The following SLC9A7 variants were observed in gnomAD, a reference collection of about 807,000 sequenced individuals.
The protein encoded by SLC9A7 is sodium/hydrogen exchanger 7.
Under a neutral mutation model 52.6 loss-of-function variants are expected in SLC9A7, and 19 were observed. The ratio of observed to expected loss-of-function variants is 0.36; its 90% CI spans 0.25 to 0.53. The LOEUF is 0.53. Ranked by LOEUF, SLC9A7 falls within the 20% of genes least tolerant of loss-of-function variation. SLC9A7 has a pLI of 0.91. For synonymous variants in SLC9A7, 226 were observed against 252.1 expected, an observed-to-expected ratio of 0.90 and a Z score of 0.98; for missense variants, 455 against 597.9, an observed-to-expected ratio of 0.76 and a Z score of 2.49.
chrX:46,645,115 G>A (rs1203477900), intron 11 of SLC9A7, among the ~76,000 whole-genome samples: 1 of 112,261 alleles, frequency 8.9e-6, no homozygotes, highest in Non-Finnish European at 1.9e-5. Flanking sequence ...CCTTTTGATA[G>A]GCAGATTTCT....
chrX:46,630,641 A>T (rs1375501912), intron 14 of SLC9A7, among the ~76,000 whole-genome samples: 1 of 112,087 alleles, frequency 8.9e-6, no homozygotes, highest in African/African-American at 3.2e-5. Flanking sequence ...AGACCTAGAG[A>T]CAAAATCATC....
At chrX:46,650,994 G>A (rs1308159456) in intron 10 of SLC9A7, 116 bp downstream of exon 10, 2 of 240,531 alleles carry the variant, frequency 8.3e-6, no homozygotes, top group Non-Finnish European at 7.1e-6. Context: ...ATTTTATGAT[G>A]GTTTATATTA....
intron 1 of SLC9A7, among the ~76,000 whole-genome samples, chrX:46,694,460 T>C: frequency 9.0e-6 from 1 of 111,675 alleles, no homozygotes; most frequent in East Asian, 2.8e-4. Context: ...CAAAAGAAAT[T>C]ATGAATGACT....
At chrX:46,688,112 T>C (rs903771250) in intron 1 of SLC9A7, among the ~76,000 whole-genome samples, 3 of 112,468 alleles carry the variant, frequency 2.7e-5, no homozygotes, top group Non-Finnish European at 5.6e-5. Context: ...TTTCCCTTTT[T>C]TGTTAATGTG....
chrX:46,607,946 T>C (rs1389378598), intron 16 of SLC9A7, among the ~76,000 whole-genome samples: 1 of 112,497 alleles, frequency 8.9e-6, no homozygotes, highest in Non-Finnish European at 1.9e-5. Context: ...TTGAGTACTG[T>C]GCACTGCCTT....
Position 46,643,349 on chromosome X carries a change from G to A in SLC9A7, c.1503C>T (p.Asp501=), listed in dbSNP as rs1443612861. ...GAMAFALAIR[D]TASYARQMMF... ...TCATCTGGCGAGCATAGGATGCCGT[G>A]TCACGGATGGCCAACGCAAATGCCA... is the stretch of plus-strand genomic sequence containing the variant. Residue 501 remains aspartate, a synonymous_variant, in exon 12 of 17, where the codon GAC becomes GAT. Transcript: ENST00000616978. 1.7e-6 allele frequency: 2 copies of A among 1,211,130 alleles called. No homozygotes were observed. The highest frequency in any genetic ancestry group is 3.5e-5 in the South Asian group (2 of 56,900).
At chrX:46,629,336 G>A (rs963449440) in intron 14 of SLC9A7, among the ~76,000 whole-genome samples, 1 of 112,098 alleles carries the variant, frequency 8.9e-6, no homozygotes, top group East Asian at 2.8e-4. Context: ...CTCCACCTGG[G>A]GGTGGGGGCT....
chrX:46,707,158 G>A (rs1944616728), intron 1 of SLC9A7, among the ~76,000 whole-genome samples: 1 of 112,080 alleles, frequency 8.9e-6, no homozygotes, highest in Admixed American at 9.5e-5. Flanking sequence ...ACCTCTGCTG[G>A]CTTAAAGGCT....
intron 12 of SLC9A7, among the ~76,000 whole-genome samples, chrX:46,637,990 C>A (rs1312693003): frequency 4.5e-5 from 5 of 111,901 alleles, no homozygotes; most frequent in African/African-American, 1.6e-4. Context: ...ACTCCAAGAA[C>A]CACCCTGGGC....
intron 14 of SLC9A7, among the ~76,000 whole-genome samples, chrX:46,623,035 G>A (rs1350856869): frequency 8.9e-6 from 1 of 112,694 alleles, no homozygotes; most frequent in African/African-American, 3.2e-5. Flanking sequence ...GATGGTGCCA[G>A]AAGCATGATT....
chrX:46,687,740 ATTTT>A (rs1451453583), intron 1 of SLC9A7, among the ~76,000 whole-genome samples: 1 of 112,373 alleles, frequency 8.9e-6, no homozygotes. Flanking sequence ...AGATTCACCC[ATTTT>A]AGAGTATACT....
chrX:46,740,590 T>C (rs1286816494), intron 1 of SLC9A7, among the ~76,000 whole-genome samples: 1 of 111,493 alleles, frequency 9.0e-6, no homozygotes, highest in Non-Finnish European at 1.9e-5. Flanking sequence ...AATATATACA[T>C]TGTATATGTA....
chrX:46,752,046 T>C (rs1922270328), intron 1 of SLC9A7, among the ~76,000 whole-genome samples: 1 of 111,827 alleles, frequency 8.9e-6, no homozygotes, highest in African/African-American at 3.3e-5. Flanking sequence ...TGTCAAAACA[T>C]ACAGAAAAGT....
intron 2 of SLC9A7, 134 bp downstream of exon 2, chrX:46,682,202 T>C (rs751392112): frequency 1.9e-4 from 116 of 619,150 alleles, no homozygotes; most frequent in Non-Finnish European, 2.6e-4. Context: ...CCAAAAAGCT[T>C]TGTAACAAAA....
intron 1 of SLC9A7, among the ~76,000 whole-genome samples, chrX:46,744,541 T>C (rs911543269): frequency 8.9e-6 from 1 of 112,016 alleles, no homozygotes; most frequent in African/African-American, 3.2e-5. Context: ...AGGAGAAAAT[T>C]TGTTGACTAT....
intron 7 of SLC9A7, among the ~76,000 whole-genome samples, chrX:46,654,342 C>T (rs982911525): frequency 2.7e-5 from 3 of 110,312 alleles, no homozygotes; most frequent in Admixed American, 1.9e-4. Flanking sequence ...AAGATTGCAC[C>T]ACTGCACTCC....
chrX:46,704,685 G>A (rs748927997), intron 1 of SLC9A7, among the ~76,000 whole-genome samples: 4 of 112,164 alleles, frequency 3.6e-5, no homozygotes, highest in African/African-American at 6.5e-5. Context: ...AACAGAACAC[G>A]GAGTGGAGTA....
At chrX:46,675,061 ATGTGTG>A (rs397895552) in intron 3 of SLC9A7, among the ~76,000 whole-genome samples, 1,522 of 68,812 alleles carry the variant, frequency 0.022, 17 homozygotes, top group African/African-American at 0.032. Context: ...GAGAGAGTGA[ATGTGTG>A]TGTGTGTGTG....
At chrX:46,715,952 T>C (rs899317936) in intron 1 of SLC9A7, among the ~76,000 whole-genome samples, 2 of 112,128 alleles carry the variant, frequency 1.8e-5, no homozygotes, top group African/African-American at 6.5e-5. Flanking sequence ...GATGGCTTTA[T>C]CAGGACATAA....
Sources: allele counts gnomAD v4.1 joint callset (sites outside exome capture counted in the v4.1 genomes callset), GRCh38; gene constraint gnomAD v4.1.1; transcripts MANE v1.5; gene names NCBI Gene and HGNC (gene_info 2026-07-23, HGNC 2026-07-21).